Variants in VPS13B observed in about 807,000 individuals in gnomAD.
VPS13B encodes the protein vacuolar protein sorting 13 homolog B.
In VPS13B, 285 loss-of-function variants were observed where a neutral mutation model predicts 426.4. That is an observed-to-expected ratio of 0.67 (90% confidence interval 0.61 to 0.74). The LOEUF (loss-of-function observed/expected upper bound fraction) is 0.74, where lower values mean the gene tolerates loss of function less well. Ranked by LOEUF, VPS13B falls within the 30% of genes least tolerant of loss-of-function variation. The pLI is 0.00. For synonymous variants in VPS13B, 1,676 were observed against 1,676.4 expected (o/e 1.00, Z 0.01); for missense variants, 4,537 against 4,782.6 (o/e 0.95, Z 1.51).
intron 55 of VPS13B, among the ~76,000 whole-genome samples, chr8:99,852,717 G>T (rs779113232): frequency 3.3e-5 from 5 of 152,138 alleles, no homozygotes; most frequent in Non-Finnish European, 2.9e-5. Context: ...AAGGAGAGGA[G>T]TTGGAGACAG....
intron 35 of VPS13B, among the ~76,000 whole-genome samples, chr8:99,689,945 A>G (rs1831579822): frequency 1.3e-5 from 2 of 152,202 alleles, no homozygotes; most frequent in South Asian, 4.1e-4. Flanking sequence ...CAAGAAAAAG[A>G]CAGTTTCAGG....
chr8:99,328,790 C>A (rs949497480), intron 19 of VPS13B, among the ~76,000 whole-genome samples: 1 of 152,032 alleles, frequency 6.6e-6, no homozygotes. Flanking sequence ...GAGGAGATCT[C>A]AATTTGTCCA....
At chr8:99,268,506 G>A (rs1442378347) in intron 17 of VPS13B, among the ~76,000 whole-genome samples, 1 of 152,192 alleles carries the variant, frequency 6.6e-6, no homozygotes, top group Non-Finnish European at 1.5e-5. Context: ...TGGAGTAAAA[G>A]GAGATCATTT....
At chr8:99,566,213 A>G (rs1409151172) in intron 31 of VPS13B, among the ~76,000 whole-genome samples, 1 of 152,206 alleles carries the variant, frequency 6.6e-6, no homozygotes, top group Non-Finnish European at 1.5e-5. Context: ...TCTTCTTTAT[A>G]TCTTAGTGTA....
At chr8:99,806,382 C>A (rs1223264772) in intron 43 of VPS13B, among the ~76,000 whole-genome samples, 1 of 152,198 alleles carries the variant, frequency 6.6e-6, no homozygotes, top group African/African-American at 2.4e-5. Context: ...CCTACCCAAA[C>A]TCTGAGACCC....
rs142517603 is a variant in VPS13B, at chr8:99,126,396, A to G, written c.1206+4951A>G. On this transcript the variant is annotated intron_variant, in intron 8 of 61. Coordinates refer to ENST00000357162, the MANE Select transcript of VPS13B (RefSeq NM_152564.5). ...GACCTACTACACAAAAGTGATCATG[A>G]ATTTGAAGATATACCAGTCATTGTG... 5.5e-3 allele frequency among the ~76,000 whole-genome samples: 839 copies of G among 152,300 alleles called. 9 individuals carry two copies. Among genetic ancestry groups the G allele is most frequent in the African/African-American group, 0.019 (808 of 41,558 alleles).
chr8:99,108,253 G>C (rs1411396418), intron 5 of VPS13B, among the ~76,000 whole-genome samples: 1 of 152,044 alleles, frequency 6.6e-6, no homozygotes, highest in Non-Finnish European at 1.5e-5. Flanking sequence ...ACTGTTGTTG[G>C]GCATCTAGGT....
chr8:99,079,431 T>C (rs993492933), intron 3 of VPS13B, among the ~76,000 whole-genome samples: 4 of 152,168 alleles, frequency 2.6e-5, no homozygotes, highest in Non-Finnish European at 4.4e-5. Flanking sequence ...GTGGTTGTGG[T>C]GGATGTGGAC....
intron 5 of VPS13B, among the ~76,000 whole-genome samples, chr8:99,104,709 G>A (rs1430583285): frequency 3.3e-5 from 5 of 151,526 alleles, no homozygotes; most frequent in African/African-American, 1.2e-4. Flanking sequence ...CTGCAGCCTC[G>A]ACTTCCTGGG....
chr8:99,193,038 T>C lies in VPS13B; in HGVS notation c.2496T>C (p.Asn832=), dbSNP rs2132728537. ...CCGCAGTGATTGAAGCTTTGATAAA[T>C]GAAATCTTCCTAAGTATAGGTAAGA... ...SSSAVIEALI[N]EIFLSIGVKS... The change falls in exon 17 of 62, where the codon AAT becomes AAC. Residue 832 remains asparagine (N), a synonymous_variant. Transcript: ENST00000357162. 6.2e-7 allele frequency: 1 copy of C among 1,613,624 alleles called. No individual in the cohort carries two copies. Among genetic ancestry groups the C allele is most frequent in the Non-Finnish European group, 8.5e-7 (1 of 1,179,800 alleles).
rs767747227 is a variant in VPS13B, at chr8:99,642,213, C to A, written c.5623C>A (p.Leu1875Ile). 6.2e-7 allele frequency: 1 copy of A among 1,614,116 alleles called. No homozygotes were observed. Among genetic ancestry groups the A allele is most frequent in the South Asian group, 1.1e-5 (1 of 91,078 alleles). The change falls in exon 34 of 62, where the codon CTC (leucine) becomes ATC (isoleucine). Residue 1875 changes from leucine (L) to isoleucine (I), a missense_variant. Physicochemically the swap from Leu to Ile is conservative, Grantham distance 5. Transcript: ENST00000357162. ...TATTTCCACGGTGACAGCAGAAGAT[C>A]TCTTAAGGAGCAGCATTTCTTTTCC... ...ACISTVTAEDLLRSSISFPSG... is the reference protein window; with the variant it reads ...ACISTVTAEDILRSSISFPSG...
intron 15 of VPS13B, among the ~76,000 whole-genome samples, chr8:99,158,006 C>A (rs1215998954): frequency 1.3e-5 from 2 of 152,176 alleles, no homozygotes; most frequent in Non-Finnish European, 2.9e-5. Context: ...TAGAAGCTGG[C>A]AGAGGTTGGT....
At chr8:99,600,890 T>G (rs942352887) in intron 33 of VPS13B, among the ~76,000 whole-genome samples, 13 of 152,208 alleles carry the variant, frequency 8.5e-5, no homozygotes, top group Non-Finnish European at 1.8e-4. Flanking sequence ...TATTGAACTC[T>G]TAACCAGCTC....
intron 40 of VPS13B, among the ~76,000 whole-genome samples, chr8:99,770,187 G>C (rs1016029444): frequency 6.6e-6 from 1 of 152,094 alleles, no homozygotes; most frequent in African/African-American, 2.4e-5. Flanking sequence ...CATTAGTTAG[G>C]TTCCTATATC....
At chr8:99,388,566 G>A (rs995688230) in intron 20 of VPS13B, among the ~76,000 whole-genome samples, 2 of 152,144 alleles carry the variant, frequency 1.3e-5, no homozygotes, top group Non-Finnish European at 2.9e-5. Context: ...TACAGTACCA[G>A]AAGGAAAAAG....
intron 34 of VPS13B, among the ~76,000 whole-genome samples, chr8:99,660,637 A>T (rs890874163): frequency 1.3e-5 from 2 of 152,088 alleles, no homozygotes; most frequent in African/African-American, 4.8e-5. Context: ...CCTAAGTATT[A>T]AAAAGCAAAT....
Position 99,165,790 on chromosome 8 carries a change from G to T in VPS13B, c.2209-4249G>T, listed in dbSNP as rs141124928. 3.5e-3 allele frequency among the ~76,000 whole-genome samples: 527 copies of T among 152,152 alleles called. 3 individuals are homozygous for T. Among genetic ancestry groups the T allele is most frequent in the African/African-American group, 0.011 (462 of 41,508 alleles). On this transcript the variant is annotated intron_variant, in intron 15 of 61. Coordinates refer to ENST00000357162, the MANE Select transcript of VPS13B (RefSeq NM_152564.5). ...TTTTCAGTGTATACCCTCCAGCAGG[G>T]GTCAGCAAAATTTTGCCTACAGGCT...
rs376769526 is a variant in VPS13B at position 99,381,961 on chromosome 8, A to C, written c.2825-2247A>C. 3.8e-4 allele frequency among the ~76,000 whole-genome samples: 58 copies of C among 151,908 alleles called. 1 individual carries two copies. In the South Asian group the frequency reaches 0.012, roughly 32 times the overall value. On this transcript the variant is annotated intron_variant, in intron 19 of 61. Transcript: ENST00000357162. ...GTCTTCTAGGACTTTTATAGTTTTG[A>C]GTTTTTATTTAAGTCTTTGATCCAT...
chr8:99,159,911 G>T (rs910484568), intron 15 of VPS13B, among the ~76,000 whole-genome samples: 3 of 152,166 alleles, frequency 2.0e-5, no homozygotes, highest in African/African-American at 7.2e-5. Context: ...TGCCTACCTT[G>T]CTTCCCAAAG....
Sources: gnomAD v4.1 joint callset for allele counts (sites outside exome capture counted in the v4.1 genomes callset) on GRCh38, gnomAD v4.1.1 for gene constraint, MANE v1.5 for transcripts, NCBI Gene and HGNC (gene_info 2026-07-23, HGNC 2026-07-21) for gene names.